Variants in NELL2 observed in about 807,000 individuals in gnomAD.
NELL2 encodes neural EGFL like 2.
A neutral mutation model predicts 109.6 loss-of-function variants in NELL2; 41 were observed. The observed-to-expected ratio is 0.37, with a 90% confidence interval of 0.29 to 0.49. NELL2 has a LOEUF of 0.49. Ranked by LOEUF, NELL2 falls within the 20% of genes least tolerant of loss-of-function variation. The probability of loss-of-function intolerance (pLI) is 0.98; values close to 1 mark genes in which losing one functional copy is unlikely to be tolerated. For missense variants in NELL2, 900 were observed against 1,008.3 expected (o/e 0.89, Z 1.45); for synonymous variants, 355 against 344.7 (o/e 1.03, Z -0.33).
At chr12:44,652,426 T>C (rs912628453) in intron 13 of NELL2, among the ~76,000 whole-genome samples, 4 of 152,184 alleles carry the variant, frequency 2.6e-5, no homozygotes, top group African/African-American at 7.2e-5. Context: ...TCTAAAAATG[T>C]TGAGCACCCC....
At chr12:44,838,000 C>A (rs989173864) in intron 2 of NELL2, among the ~76,000 whole-genome samples, 1 of 152,114 alleles carries the variant, frequency 6.6e-6, no homozygotes, top group South Asian at 2.1e-4. Flanking sequence ...CTTTGTGAAA[C>A]CTGCACGGGG....
intron 19 of NELL2, among the ~76,000 whole-genome samples, chr12:44,519,657 T>C (rs773173932): frequency 1.2e-4 from 19 of 152,192 alleles, no homozygotes; most frequent in Non-Finnish European, 2.2e-4. Context: ...TAAAACAATA[T>C]TGTCTCCTAT....
At chr12:44,539,997 G>A (rs1040828440) in intron 15 of NELL2, among the ~76,000 whole-genome samples, 1 of 152,126 alleles carries the variant, frequency 6.6e-6, no homozygotes, top group Non-Finnish European at 1.5e-5. Context: ...AAAATAACAT[G>A]ATAGTAAAAT....
intron 14 of NELL2, among the ~76,000 whole-genome samples, chr12:44,609,471 A>G (rs1433184997): frequency 6.6e-6 from 1 of 152,096 alleles, no homozygotes; most frequent in Non-Finnish European, 1.5e-5. Context: ...GTTTATTTCT[A>G]GAATTTTCCA....
At chr12:44,688,007 A>T (rs1466410865) in intron 12 of NELL2, among the ~76,000 whole-genome samples, 1 of 152,214 alleles carries the variant, frequency 6.6e-6, no homozygotes, top group African/African-American at 2.4e-5. Context: ...CTCTAATATT[A>T]ATAAACAACT....
Position 44,791,121 on chromosome 12 carries a change from G to A in NELL2, c.336-11099C>T, listed in dbSNP as rs11611526. Among the ~76,000 whole-genome samples, 112 of 24,148 alleles carry A rather than the reference G, an allele frequency of 4.6e-3. 3 individuals are homozygous for A. Among genetic ancestry groups the A allele is most frequent in the African/African-American group, 7.8e-3 (66 of 8,466 alleles). The allele number at this position is 24,148 out of a possible 152,430, so 15.8% of individuals were successfully genotyped here. A position where few individuals can be genotyped will look rare whatever the true frequency, so the allele number is the denominator to read the frequency against. On this transcript the variant is annotated intron_variant, in intron 3 of 19. Coordinates refer to ENST00000429094, the MANE Select transcript of NELL2 (RefSeq NM_001145108.2). ...TGTATATATATATGTATATATATAT[G>A]TATATATATATATACACACGCACAC...
At chr12:44,694,075 T>C (rs750154304) in intron 12 of NELL2, among the ~76,000 whole-genome samples, 52 of 152,318 alleles carry the variant, frequency 3.4e-4, no homozygotes, top group South Asian at 6.2e-4. Context: ...TGGTTAATTT[T>C]ATGTGACAAC....
At chr12:44,882,194 G>C (rs1816013242) in intron 1 of NELL2, among the ~76,000 whole-genome samples, 2 of 151,980 alleles carry the variant, frequency 1.3e-5, no homozygotes, top group East Asian at 3.9e-4. Context: ...ATGAAGAGTA[G>C]AAGTGGCAAA....
chr12:44,774,267 C>G (rs778679362), intron 9 of NELL2, among the ~76,000 whole-genome samples: 4 of 152,126 alleles, frequency 2.6e-5, no homozygotes, highest in Non-Finnish European at 4.4e-5. Flanking sequence ...TGGTGTGAGC[C>G]TTTTTTTCCC....
chr12:44,550,138 G>C (rs1044716651), intron 15 of NELL2, among the ~76,000 whole-genome samples: 1 of 151,920 alleles, frequency 6.6e-6, no homozygotes, highest in East Asian at 1.9e-4. Context: ...ATACACAATG[G>C]GGAAAGGAAA....
chr12:44,523,111 G>A, intron 17 of NELL2, 180 bp downstream of exon 17: 2 of 652,906 alleles, frequency 3.1e-6, no homozygotes, highest in Non-Finnish European at 2.6e-6. Flanking sequence ...TAAGGTTGTG[G>A]GACTAACTAG....
chr12:44,897,477 A>T (rs1945606104), intron 1 of NELL2, among the ~76,000 whole-genome samples: 1 of 152,040 alleles, frequency 6.6e-6, no homozygotes, highest in Admixed American at 6.5e-5. Flanking sequence ...GGCAAGCAGA[A>T]GCAAAGTGGG....
chr12:44,678,251 C>G (rs1374696984), intron 12 of NELL2, among the ~76,000 whole-genome samples: 1 of 151,958 alleles, frequency 6.6e-6, no homozygotes, highest in African/African-American at 2.4e-5. Flanking sequence ...TTGGAAAAAT[C>G]TTTGTTTCTT....
intron 1 of NELL2, among the ~76,000 whole-genome samples, chr12:44,884,143 C>T (rs1945445287): frequency 6.6e-6 from 1 of 151,592 alleles, no homozygotes; most frequent in African/African-American, 2.4e-5. Flanking sequence ...AATATATATA[C>T]TAGGTAAACA....
chr12:44,613,037 T>A (rs1406371763), intron 13 of NELL2, among the ~76,000 whole-genome samples: 1 of 152,056 alleles, frequency 6.6e-6, no homozygotes, highest in Non-Finnish European at 1.5e-5. Flanking sequence ...TTTAAATGCA[T>A]CCATGCCTTT....
chr12:44,531,691 A>G (rs920134768), intron 16 of NELL2, among the ~76,000 whole-genome samples: 54 of 152,232 alleles, frequency 3.5e-4, no homozygotes, highest in African/African-American at 1.2e-3. Context: ...CTTATCATTT[A>G]GGTGTCAAGT....
At chr12:44,554,812 G>C (rs1251506686) in intron 15 of NELL2, among the ~76,000 whole-genome samples, 1 of 152,198 alleles carries the variant, frequency 6.6e-6, no homozygotes, top group Non-Finnish European at 1.5e-5. Context: ...TTCAGTTACA[G>C]GAAGTGGGAG....
chr12:44,793,596 A>G (rs1445108944), intron 3 of NELL2, among the ~76,000 whole-genome samples: 1 of 152,200 alleles, frequency 6.6e-6, no homozygotes, highest in African/African-American at 2.4e-5. Flanking sequence ...CCTACAAACA[A>G]TAACAGCCAT....
chr12:44,655,492 G>A (rs1281209439), intron 13 of NELL2, among the ~76,000 whole-genome samples: 1 of 152,214 alleles, frequency 6.6e-6, no homozygotes, highest in Non-Finnish European at 1.5e-5. Flanking sequence ...GTTCCATTTT[G>A]AGCTGACTGC....
Sources: gnomAD v4.1 joint callset for allele counts (sites outside exome capture counted in the v4.1 genomes callset) on GRCh38, gnomAD v4.1.1 for gene constraint, MANE v1.5 for transcripts, NCBI Gene and HGNC (gene_info 2026-07-23, HGNC 2026-07-21) for gene names.